IL1RAPL1: variants seen among roughly 807,000 people sequenced by gnomAD.
The protein encoded by IL1RAPL1 is interleukin-1 receptor accessory protein-like 1.
In IL1RAPL1, 3 loss-of-function variants were observed where a neutral mutation model predicts 48.4. The observed-to-expected ratio is 0.06, with a 90% CI of 0.03 to 0.16. IL1RAPL1 has a LOEUF of 0.16. IL1RAPL1 is among the 10% of genes least tolerant of loss of function. The pLI is 1.00. For synonymous variants in IL1RAPL1, 185 were observed against 187.7 expected (o/e 0.99, Z 0.12); for missense variants, 349 against 530.6 (o/e 0.66, Z 3.36).
chrX:28,823,982 T>C (rs761575026), intron 2 of IL1RAPL1, among the ~76,000 whole-genome samples: 1 of 111,944 alleles, frequency 8.9e-6, no homozygotes, highest in East Asian at 2.8e-4. Context: ...ATTGCCACCA[T>C]TGGATCTCAG....
chrX:29,376,319 G>A (rs1361115397), intron 3 of IL1RAPL1, among the ~76,000 whole-genome samples: 2 of 109,952 alleles, frequency 1.8e-5, no homozygotes, highest in Non-Finnish European at 3.8e-5. Flanking sequence ...TCATTTCAGT[G>A]TTCACCCAGG....
At chrX:29,356,009 G>A (rs1247303845) in intron 3 of IL1RAPL1, among the ~76,000 whole-genome samples, 2 of 111,681 alleles carry the variant, frequency 1.8e-5, no homozygotes, top group Admixed American at 9.5e-5. Context: ...TGTACCTAAC[G>A]ATTAAAATTT....
Position 29,341,661 on chromosome X carries a change from T to C in IL1RAPL1, c.363-54597T>C, listed in dbSNP as rs1314029783. Among the ~76,000 whole-genome samples, 7 of 111,519 alleles carry C rather than the reference T, an allele frequency of 6.3e-5. No individual in the cohort carries two copies. The Admixed American group carries it at 6.7e-4, about 11-fold the overall frequency. ...AACATTTTCTATTACGTGAGGAAGGTAAACTAATGAGGAGACTGGAGCATG... is the reference window on the plus strand; with the variant it reads ...AACATTTTCTATTACGTGAGGAAGGCAAACTAATGAGGAGACTGGAGCATG... On this transcript the variant is annotated intron_variant, in intron 3 of 10. Transcript: ENST00000378993.
intron 6 of IL1RAPL1, among the ~76,000 whole-genome samples, chrX:29,916,434 C>G (rs1265052609): frequency 9.0e-6 from 1 of 111,687 alleles, no homozygotes; most frequent in Admixed American, 9.5e-5. Context: ...ATGGCTACCA[C>G]AAATTGAGAG....
intron 2 of IL1RAPL1, among the ~76,000 whole-genome samples, chrX:29,195,652 C>T (rs896611418): frequency 2.8e-4 from 30 of 106,925 alleles, no homozygotes; most frequent in African/African-American, 9.6e-4. Flanking sequence ...CTCCGCCTCC[C>T]GGGTTCAAGC....
At chrX:28,957,471 A>G (rs977585133) in intron 2 of IL1RAPL1, among the ~76,000 whole-genome samples, 1 of 111,621 alleles carries the variant, frequency 9.0e-6, no homozygotes, top group Non-Finnish European at 1.9e-5. Context: ...TTTATTATGT[A>G]TGTATATGTG....
intron 5 of IL1RAPL1, among the ~76,000 whole-genome samples, chrX:29,559,000 T>C (rs1372594090): frequency 8.9e-6 from 1 of 112,247 alleles, no homozygotes; most frequent in East Asian, 2.8e-4. Flanking sequence ...AAGGTTATTA[T>C]GGCTATTCAA....
Position 28,588,954 on chromosome X carries a change from T to G in IL1RAPL1, c.-25+907T>G, listed in dbSNP as rs189644619. Among the ~76,000 whole-genome samples, 7 of 111,739 alleles carry G rather than the reference T, an allele frequency of 6.3e-5. No individual in the cohort carries two copies. The East Asian group carries it at 2.0e-3, about 32-fold the overall frequency. The stretch of plus-strand genomic sequence containing the variant: ...ATTACATACTTCCCCTAACCTTAAG[T>G]TGAAGATGTGTCCTGTCTGCTACAT... On this transcript the variant is annotated intron_variant, in intron 1 of 10. Transcript: ENST00000378993.
At chrX:28,896,989 G>A (rs925386651) in intron 2 of IL1RAPL1, among the ~76,000 whole-genome samples, 1 of 111,122 alleles carries the variant, frequency 9.0e-6, no homozygotes, top group Non-Finnish European at 1.9e-5. Context: ...AAGCGGCATT[G>A]TAGAAGAAAA....
intron 2 of IL1RAPL1, among the ~76,000 whole-genome samples, chrX:29,026,178 A>T (rs1926481837): frequency 8.9e-6 from 1 of 112,015 alleles, no homozygotes; most frequent in East Asian, 2.8e-4. Flanking sequence ...TCGTGTTTTT[A>T]TTTGAAACCA....
intron 6 of IL1RAPL1, among the ~76,000 whole-genome samples, chrX:29,740,730 C>T (rs1318323141): frequency 8.9e-6 from 1 of 111,932 alleles, no homozygotes; most frequent in African/African-American, 3.2e-5. Flanking sequence ...TCTAACTCAA[C>T]ATTTTGCATA....
intron 2 of IL1RAPL1, among the ~76,000 whole-genome samples, chrX:28,844,877 A>G (rs1921468062): frequency 8.9e-6 from 1 of 111,883 alleles, no homozygotes; most frequent in African/African-American, 3.2e-5. Flanking sequence ...ATATTGTCTT[A>G]CTGGCATTGT....
At chrX:29,854,040 C>A (rs1931429988) in intron 6 of IL1RAPL1, among the ~76,000 whole-genome samples, 1 of 111,930 alleles carries the variant, frequency 8.9e-6, no homozygotes, top group Admixed American at 9.5e-5. Flanking sequence ...TAACTTTTTT[C>A]CCCAAACCCC....
chrX:29,099,696 C>T (rs1258104604), intron 2 of IL1RAPL1, among the ~76,000 whole-genome samples: 1 of 111,683 alleles, frequency 9.0e-6, no homozygotes, highest in Non-Finnish European at 1.9e-5. Flanking sequence ...ACCATAACAG[C>T]AGCAAATTAT....
chrX:29,927,887 CAGGA>C (rs1472348275), intron 8 of IL1RAPL1, among the ~76,000 whole-genome samples: 80 of 70,302 alleles, frequency 1.1e-3, no homozygotes, highest in Admixed American at 1.6e-3. Flanking sequence ...GCTTCAAAAG[CAGGA>C]GGGAGGGAGG....
intron 5 of IL1RAPL1, among the ~76,000 whole-genome samples, chrX:29,494,361 C>T (rs1199021849): frequency 1.3e-4 from 14 of 111,748 alleles, no homozygotes; most frequent in Non-Finnish European, 2.6e-4. Flanking sequence ...TTTTCTTTAT[C>T]CAGTCCACTG....
At chrX:28,748,262 A>G (rs1475304172) in intron 1 of IL1RAPL1, among the ~76,000 whole-genome samples, 1 of 112,263 alleles carries the variant, frequency 8.9e-6, no homozygotes, top group Non-Finnish European at 1.9e-5. Flanking sequence ...GAGAAGCCAT[A>G]TGACAGTAAG....
At chrX:28,896,487 A>G (rs1335975957) in intron 2 of IL1RAPL1, among the ~76,000 whole-genome samples, 1 of 111,549 alleles carries the variant, frequency 9.0e-6, no homozygotes, top group African/African-American at 3.3e-5. Context: ...AAAAAGGAGC[A>G]TTAGCCTTGA....
rs146970699 is a variant in IL1RAPL1, at chrX:29,778,334, G to A, written c.778+109830G>A. On this transcript the variant is annotated intron_variant, in intron 6 of 10. Coordinates refer to ENST00000378993, the MANE Select transcript of IL1RAPL1 (RefSeq NM_014271.4). ...ATAGGGGAGTGCCGGGGGAAAATAC[G>A]TCATTTTGAAAAGATGGCTGTGTTC... Among the ~76,000 whole-genome samples, 783 of 111,082 alleles carry A rather than the reference G, an allele frequency of 7.0e-3. 6 individuals carry two copies. The highest frequency in any genetic ancestry group is 0.024 in the African/African-American group (748 of 30,609).
Sources: gnomAD v4.1 joint callset for allele counts (sites outside exome capture counted in the v4.1 genomes callset) on GRCh38, gnomAD v4.1.1 for gene constraint, MANE v1.5 for transcripts, NCBI Gene and HGNC (gene_info 2026-07-23, HGNC 2026-07-21) for gene names.